SGIP1: variants seen among roughly 807,000 people sequenced by gnomAD.
SGIP1 encodes SH3-containing GRB2-like protein 3-interacting protein 1.
Under a neutral mutation model 107.5 loss-of-function variants are expected in SGIP1, and 38 were observed. That is an observed-to-expected ratio of 0.35 (90% CI 0.27 to 0.46). The LOEUF (loss-of-function observed/expected upper bound fraction) is 0.46, where lower values mean the gene tolerates loss of function less well. Ranked by LOEUF, SGIP1 falls within the 20% of genes least tolerant of loss-of-function variation. The pLI is 1.00. For missense variants in SGIP1, 929 were observed against 1,019.5 expected (o/e 0.91, Z 1.21); for synonymous variants, 365 against 366.1 (o/e 1.00, Z 0.03).
intron 1 of SGIP1, among the ~76,000 whole-genome samples, chr1:66,618,981 T>C (rs2070198222): frequency 6.6e-6 from 1 of 152,228 alleles, no homozygotes; most frequent in Non-Finnish European, 1.5e-5. Context: ...CTTCAGTTTT[T>C]GGAAGCACGC....
At chr1:66,536,723 T>C (rs7540195) in intron 1 of SGIP1, among the ~76,000 whole-genome samples, 105,353 of 152,066 alleles carry the variant, frequency 0.69, 37,064 homozygotes, top group East Asian at 1. Flanking sequence ...GAGAATGTGC[T>C]ACCAAACATC....
intron 7 of SGIP1, among the ~76,000 whole-genome samples, chr1:66,647,072 G>C (rs898268646): frequency 2.6e-5 from 4 of 152,320 alleles, no homozygotes; most frequent in African/African-American, 4.8e-5. Flanking sequence ...TGTTTTAACA[G>C]AGACCAAAAT....
intron 1 of SGIP1, 133 bp downstream of exon 1, chr1:66,534,501 C>G: frequency 9.9e-7 from 1 of 1,011,636 alleles, no homozygotes; most frequent in Non-Finnish European, 1.5e-6. Flanking sequence ...AGAAATGCTG[C>G]AGTTTGCTTG....
intron 1 of SGIP1, among the ~76,000 whole-genome samples, chr1:66,534,956 T>C (rs967676604): frequency 1.3e-5 from 2 of 152,178 alleles, no homozygotes; most frequent in Non-Finnish European, 2.9e-5. Flanking sequence ...AAGGAAAATA[T>C]CCGGGCCTCT....
intron 21 of SGIP1, among the ~76,000 whole-genome samples, chr1:66,737,430 T>C (rs140486795): frequency 1.3e-5 from 2 of 152,258 alleles, no homozygotes; most frequent in African/African-American, 4.8e-5. Flanking sequence ...CGGTGGCTCA[T>C]GTCTGTAATC....
At chr1:66,634,820 G>A (rs2075468052) in intron 3 of SGIP1, among the ~76,000 whole-genome samples, 1 of 152,150 alleles carries the variant, frequency 6.6e-6, no homozygotes, top group Non-Finnish European at 1.5e-5. Context: ...TTACCATTTA[G>A]AAATGTTCTC....
intron 1 of SGIP1, among the ~76,000 whole-genome samples, chr1:66,557,805 A>G (rs997386496): frequency 3.3e-5 from 5 of 152,120 alleles, no homozygotes; most frequent in African/African-American, 1.2e-4. Flanking sequence ...GCCACACCTG[A>G]AATTAACTTT....
At chr1:66,711,922 C>T (rs1241477042) in intron 18 of SGIP1, among the ~76,000 whole-genome samples, 1 of 152,126 alleles carries the variant, frequency 6.6e-6, no homozygotes, top group South Asian at 2.1e-4. Context: ...GTATTATTGT[C>T]CTAATTTAGC....
At chr1:66,708,912 T>G (rs1394105414) in intron 18 of SGIP1, among the ~76,000 whole-genome samples, 1 of 152,224 alleles carries the variant, frequency 6.6e-6, no homozygotes, top group Non-Finnish European at 1.5e-5. Flanking sequence ...TTCTACGCTA[T>G]GAGAACTGAC....
chr1:66,706,854 C>A (rs1003077905), intron 18 of SGIP1, among the ~76,000 whole-genome samples: 10 of 152,014 alleles, frequency 6.6e-5, no homozygotes, highest in Non-Finnish European at 1.5e-4. Context: ...TTTTAACATA[C>A]GCTAATATTC....
intron 18 of SGIP1, among the ~76,000 whole-genome samples, chr1:66,697,994 A>G (rs2091251337): frequency 6.6e-6 from 1 of 152,208 alleles, no homozygotes; most frequent in South Asian, 2.1e-4. Flanking sequence ...ACTTCAAAAT[A>G]GTCATCAGTT....
At chr1:66,733,960 C>T (rs940725966) in intron 21 of SGIP1, 80 bp downstream of exon 21, 53 of 1,403,850 alleles carry the variant, frequency 3.8e-5, no homozygotes, top group Non-Finnish European at 4.9e-5. Flanking sequence ...ATAAAAGTAA[C>T]TAAAGTAACA....
At position 66,665,517 on chromosome 1, in the gene SGIP1, T is replaced by C. The variant is rs574146861; in HGVS notation, c.472-2013T>C. Among the ~76,000 whole-genome samples, 4 of 152,326 alleles carry C rather than the reference T, an allele frequency of 2.6e-5. 1 individual carries two copies. In the South Asian group the frequency reaches 8.3e-4, roughly 32 times the overall value. ...TGGGATCACTGGGTCAAATGGTATT[T>C]CTAGTTATAGATCCTTGAGGAATCG... On this transcript the variant is annotated intron_variant, in intron 8 of 24. Transcript: ENST00000371037.
chr1:66,746,399 A>G lies in SGIP1; in HGVS notation c.*3304A>G, dbSNP rs2094553460. 1 of 152,166 alleles carries G rather than the reference A, an allele frequency of 6.6e-6. No homozygotes were observed. The highest frequency in any genetic ancestry group is 2.4e-5 in the African/African-American group (1 of 41,464). The allele number at this position is 152,166 out of a possible 1,614,324, so 9.4% of individuals were successfully genotyped here. ...AACAGTTTAAATTGGGGCTCCCCAG[A>G]GCATGGTTTAAATACCATAACAGTA... On this transcript the variant is annotated 3_prime_UTR_variant, in exon 25 of 25. Transcript: ENST00000371037.
chr1:66,657,925 C>T (rs1428470481), intron 7 of SGIP1, among the ~76,000 whole-genome samples: 1 of 152,048 alleles, frequency 6.6e-6, no homozygotes, highest in Non-Finnish European at 1.5e-5. Context: ...TTTGTTTTTT[C>T]CTATCTTTGT....
At chr1:66,654,899 T>C (rs780437061) in intron 7 of SGIP1, among the ~76,000 whole-genome samples, 1 of 152,254 alleles carries the variant, frequency 6.6e-6, no homozygotes, top group Non-Finnish European at 1.5e-5. Flanking sequence ...GCAGATGGAC[T>C]GGCCTCAGTG....
intron 1 of SGIP1, among the ~76,000 whole-genome samples, chr1:66,561,725 C>T (rs533977610): frequency 6.6e-6 from 1 of 152,152 alleles, no homozygotes; most frequent in South Asian, 2.1e-4. Flanking sequence ...GTCGGACTCT[C>T]TTGCCCCTCA....
chr1:66,706,440 A>G (rs2092520442), intron 18 of SGIP1, among the ~76,000 whole-genome samples: 2 of 116,302 alleles, frequency 1.7e-5, no homozygotes, highest in Admixed American at 1.9e-4. Context: ...TTATATAGAG[A>G]TACACATTTA....
At chr1:66,724,797 A>T (rs781403037) in intron 19 of SGIP1, among the ~76,000 whole-genome samples, 8 of 152,160 alleles carry the variant, frequency 5.3e-5, no homozygotes, top group Non-Finnish European at 8.8e-5. Flanking sequence ...TTTAGATCTC[A>T]TTTTGAGCAA....
Sources: allele counts gnomAD v4.1 joint callset (sites outside exome capture counted in the v4.1 genomes callset), GRCh38; gene constraint gnomAD v4.1.1; transcripts MANE v1.5; gene names NCBI Gene and HGNC (gene_info 2026-07-23, HGNC 2026-07-21).